Variants in PTPN3 observed in about 807,000 individuals in gnomAD.
The protein encoded by PTPN3 is tyrosine-protein phosphatase non-receptor type 3.
In PTPN3, 96 loss-of-function variants were observed where a neutral mutation model predicts 132.7. The ratio of observed to expected loss-of-function variants is 0.72; its 90% CI spans 0.61 to 0.86. The LOEUF (loss-of-function observed/expected upper bound fraction) is 0.86. PTPN3 is among the 40% of genes least tolerant of loss of function. The pLI is 0.00. For synonymous variants in PTPN3, 398 were observed against 429.0 expected, an observed-to-expected ratio of 0.93 and a Z score of 0.89; for missense variants, 1,125 against 1,159.6, an observed-to-expected ratio of 0.97 and a Z score of 0.43.
chr9:109,497,944 C>G lies in PTPN3; in HGVS notation c.-18+275G>C, dbSNP rs536335091. On this transcript the variant is annotated intron_variant, in intron 1 of 25. Coordinates refer to ENST00000374541, the MANE Select transcript of PTPN3 (RefSeq NM_002829.4). ...GCTGGAGCGCACGCCCACGCTCCGG[C>G]GCCGCGTCCCGGCCGCCAGCCCGCC... 5.4e-3 allele frequency among the ~76,000 whole-genome samples: 788 copies of G among 147,094 alleles called. 4 individuals carry two copies. The highest frequency in any genetic ancestry group is 0.018 in the African/African-American group (753 of 41,024).
At chr9:109,401,802 AT>A (rs1330511353) in intron 19 of PTPN3, among the ~76,000 whole-genome samples, 1 of 151,926 alleles carries the variant, frequency 6.6e-6, no homozygotes, top group East Asian at 1.9e-4. Flanking sequence ...TTGGGCTGAG[AT>A]TTTCCTGGAA....
At chr9:109,426,183 A>C (rs2131868595) in intron 12 of PTPN3, among the ~76,000 whole-genome samples, 1 of 150,502 alleles carries the variant, frequency 6.6e-6, no homozygotes, top group South Asian at 2.1e-4. Context: ...TAGAATTTTA[A>C]AATGTATATA....
the PTPN3 span, among the ~76,000 whole-genome samples, chr9:109,507,754 C>G: frequency 6.6e-6 from 1 of 152,230 alleles, no homozygotes; most frequent in African/African-American, 2.4e-5. Flanking sequence ...GGACTTCCTG[C>G]TGAGATGCCC....
rs1838725990 is a variant in PTPN3, at chr9:109,378,105, T to C, written c.*1451A>G. ...AGCAAACTATTCAATTGGCACCGAA[T>C]TTGCTGAATATCAAAATGGCTTCAT... On this transcript the variant is annotated 3_prime_UTR_variant, in exon 26 of 26. Transcript: ENST00000374541. 6.6e-6 allele frequency: 1 copy of C among 152,232 alleles called. No individual in the cohort carries two copies. Among genetic ancestry groups the C allele is most frequent in the African/African-American group, 2.4e-5 (1 of 41,460 alleles). The allele number at this position is 152,232 out of a possible 1,614,324, so 9.4% of individuals were successfully genotyped here. A position where few individuals can be genotyped will look rare whatever the true frequency, so the allele number is the denominator to read the frequency against.
At chr9:109,496,865 C>A (rs1357730752) in intron 1 of PTPN3, among the ~76,000 whole-genome samples, 1 of 152,130 alleles carries the variant, frequency 6.6e-6, no homozygotes, top group Non-Finnish European at 1.5e-5. Context: ...TTATCAAACC[C>A]TAAATGTCAA....
chr9:109,446,871 G>A (rs1024426265), intron 6 of PTPN3, among the ~76,000 whole-genome samples: 5 of 152,152 alleles, frequency 3.3e-5, no homozygotes, highest in Admixed American at 2.0e-4. Context: ...CTGAGTGAAG[G>A]GCTTGGATGA....
rs1843451969 is a variant in PTPN3 at position 109,428,683 on chromosome 9, C to A, written c.766G>T (p.Val256Leu). The change falls in exon 11 of 26, where the codon GTG (valine) becomes TTG (leucine). Residue 256 changes from valine to leucine, a missense_variant and splice_region_variant. Transcript: ENST00000374541. ...KYICTSFYPWVNILKISFKRK... is the reference protein window; with the variant it reads ...KYICTSFYPWLNILKISFKRK... ...TTGAAAGAAATTTTGAGAATGTTCA[C>A]CCTTCAAAAAATAAAACAAAACACA... 6.2e-7 allele frequency: 1 copy of A among 1,612,656 alleles called. No individual in the cohort carries two copies. Among genetic ancestry groups the A allele is most frequent in the South Asian group, 1.1e-5 (1 of 90,986 alleles).
chr9:109,537,725 T>G, the PTPN3 span, among the ~76,000 whole-genome samples: 1 of 152,356 alleles, frequency 6.6e-6, no homozygotes, highest in African/African-American at 2.4e-5. Flanking sequence ...GACACTTGAC[T>G]TCCTTTGGTC....
At chr9:109,428,982 C>T (rs1843476251) in intron 10 of PTPN3, 1 of 985,316 alleles carries the variant, frequency 1.0e-6, no homozygotes, top group Non-Finnish European at 1.2e-6. Context: ...CACTGCAGCT[C>T]TGCGTGAGCT....
At chr9:109,382,744 GCTGA>G (rs1422320240) in intron 23 of PTPN3, among the ~76,000 whole-genome samples, 1 of 145,886 alleles carries the variant, frequency 6.9e-6, no homozygotes, top group Non-Finnish European at 1.5e-5. Context: ...GGCCACACAT[GCTGA>G]CTGTTTTTTT....
At chr9:109,398,143 G>A (rs1306403749) in intron 19 of PTPN3, among the ~76,000 whole-genome samples, 4 of 152,082 alleles carry the variant, frequency 2.6e-5, no homozygotes, top group African/African-American at 4.8e-5. Flanking sequence ...GCATGGTGGC[G>A]CATGCCTGTA....
intron 14 of PTPN3, among the ~76,000 whole-genome samples, chr9:109,418,228 T>C (rs1842663348): frequency 6.6e-6 from 1 of 152,264 alleles, no homozygotes; most frequent in Non-Finnish European, 1.5e-5. Context: ...TGGAGGCTCC[T>C]GAAACAACTT....
intron 10 of PTPN3, among the ~76,000 whole-genome samples, chr9:109,431,307 A>C (rs978119526): frequency 5.9e-5 from 9 of 152,190 alleles, no homozygotes; most frequent in African/African-American, 2.2e-4. Flanking sequence ...CCACAATGTG[A>C]GGGTCCAGCC....
chr9:109,512,411 T>G, the PTPN3 span, among the ~76,000 whole-genome samples: 1 of 152,204 alleles, frequency 6.6e-6, no homozygotes. Context: ...TTCTCACTCC[T>G]GAGAAGAACA....
intron 1 of PTPN3, among the ~76,000 whole-genome samples, chr9:109,469,705 G>T (rs1425993204): frequency 6.6e-6 from 1 of 151,708 alleles, no homozygotes; most frequent in East Asian, 1.9e-4. Flanking sequence ...GAGTTCCGTT[G>T]AAAAAAAGGA....
chr9:109,473,819 T>C (rs1290868946), intron 1 of PTPN3, among the ~76,000 whole-genome samples: 1 of 152,140 alleles, frequency 6.6e-6, no homozygotes, highest in Non-Finnish European at 1.5e-5. Flanking sequence ...TCATGTCCTC[T>C]TCCAGACACT....
intron 1 of PTPN3, among the ~76,000 whole-genome samples, chr9:109,469,519 T>G (rs530610686): frequency 6.6e-6 from 1 of 152,214 alleles, no homozygotes; most frequent in Admixed American, 6.5e-5. Context: ...CTTGGGAGGC[T>G]GAGTCAGGAA....
chr9:109,534,753 G>T, the PTPN3 span, among the ~76,000 whole-genome samples: 1 of 151,756 alleles, frequency 6.6e-6, no homozygotes, highest in Non-Finnish European at 1.5e-5. Flanking sequence ...AGTGAGCCAA[G>T]ATGACGCCAT....
intron 19 of PTPN3, among the ~76,000 whole-genome samples, chr9:109,401,277 G>C (rs1841071516): frequency 6.6e-6 from 1 of 152,254 alleles, no homozygotes; most frequent in East Asian, 1.9e-4. Flanking sequence ...CTCTCCTCTG[G>C]AACAGCGTGT....
Sources: allele counts gnomAD v4.1 joint callset (sites outside exome capture counted in the v4.1 genomes callset), GRCh38; gene constraint gnomAD v4.1.1; transcripts MANE v1.5; gene names NCBI Gene and HGNC (gene_info 2026-07-23, HGNC 2026-07-21).